The following HNRNPH1 variants were observed in gnomAD, a reference collection of about 807,000 sequenced individuals.
HNRNPH1 encodes heterogeneous nuclear ribonucleoprotein H.
A neutral mutation model predicts 58.6 loss-of-function variants in HNRNPH1; 4 were observed. The ratio of observed to expected loss-of-function variants is 0.07; its 90% CI spans 0.03 to 0.16. HNRNPH1 has a LOEUF of 0.16. Among genes scored for constraint, HNRNPH1 ranks in the 10% least tolerant of loss-of-function variants. HNRNPH1 has a pLI of 1.00. For missense variants in HNRNPH1, 271 were observed against 564.2 expected (o/e 0.48, Z 5.26); for synonymous variants, 192 against 189.2 (o/e 1.01, Z -0.12).
At chr5:179,631,354 A>G (rs767544714) in intron 2 of HNRNPH1, among the ~76,000 whole-genome samples, 20 of 152,122 alleles carry the variant, frequency 1.3e-4, no homozygotes, top group Non-Finnish European at 2.5e-4. Flanking sequence ...GCTCATGCCT[A>G]TAATCTCAGT....
chr5:179,622,646 G>C (rs1456066141), intron 1 of HNRNPH1, among the ~76,000 whole-genome samples: 1 of 152,218 alleles, frequency 6.6e-6, no homozygotes, highest in Non-Finnish European at 1.5e-5. Flanking sequence ...AGGAGGCGGA[G>C]GTTGCAGTGA....
intron 8 of HNRNPH1, 167 bp downstream of exon 9, chr5:179,617,347 T>C: frequency 1.2e-6 from 1 of 836,924 alleles, no homozygotes; most frequent in Non-Finnish European, 1.9e-6. Context: ...TCCGTTATAC[T>C]AATTTTTAAA....
upstream of HNRNPH1, among the ~76,000 whole-genome samples, chr5:179,628,356 A>G (rs2127735925): frequency 6.6e-6 from 1 of 151,918 alleles, no homozygotes; most frequent in African/African-American, 2.4e-5. Flanking sequence ...AAAAATTTGT[A>G]TTTATTTATT....
chr5:179,621,747 C>A (rs1440806200), intron 1 of HNRNPH1: 2 of 371,370 alleles, frequency 5.4e-6, no homozygotes, highest in South Asian at 4.3e-5. Context: ...TACTTCGTTG[C>A]GAGCTGTTTT....
At chr5:179,623,923 G>A (rs1774015959) in exon 1 of HNRNPH1, 1 of 152,362 alleles carries the variant, frequency 6.6e-6, no homozygotes, top group South Asian at 2.0e-4. Flanking sequence ...AGTCCTAGCG[G>A]TTTATAATTA....
chr5:179,632,828 T>A (rs1240474010), intron 2 of HNRNPH1, among the ~76,000 whole-genome samples: 3 of 145,904 alleles, frequency 2.1e-5, no homozygotes, highest in African/African-American at 7.6e-5. Flanking sequence ...TAGGTGGGAT[T>A]ACAGCCCCAC....
chr5:179,614,753 G>T, exon 13 of HNRNPH1: 1 of 683,950 alleles, frequency 1.5e-6, no homozygotes, highest in Non-Finnish European at 2.4e-6. Context: ...AGCTTGTATT[G>T]CAGAAACTGT....
chr5:179,621,459 G>A (rs1462731075), intron 1 of HNRNPH1, 62 bp from the exon 3 acceptor site: 13 of 1,419,962 alleles, frequency 9.2e-6, no homozygotes, highest in African/African-American at 2.9e-5. Flanking sequence ...GGGTGACACA[G>A]ATGAAATGTC....
chr5:179,616,073 A>ACAGGC, intron 11 of HNRNPH1, 53 bp downstream of exon 12: 2 of 1,438,102 alleles, frequency 1.4e-6, no homozygotes, highest in Non-Finnish European at 2.0e-6. Context: ...AAGTACAGTA[A>ACAGGC]TGAACAGGCT....
intron 2 of HNRNPH1, among the ~76,000 whole-genome samples, chr5:179,632,980 C>A (rs1282233134): frequency 6.6e-6 from 1 of 150,968 alleles, no homozygotes; most frequent in East Asian, 2.0e-4. Flanking sequence ...GCCTCATTCT[C>A]CCCACTAGCT....
chr5:179,621,201 T>A, intron 2 of HNRNPH1, 41 bp downstream of exon 3: 1 of 1,589,660 alleles, frequency 6.3e-7, no homozygotes, highest in Non-Finnish European at 8.6e-7. Context: ...CTCTATTGTT[T>A]AATGCTTTAT....
At chr5:179,615,477 A>T in intron 12 of HNRNPH1, 69 bp downstream of exon 13, 1 of 864,602 alleles carries the variant, frequency 1.2e-6, no homozygotes, top group Non-Finnish European at 1.9e-6. Context: ...ATTGACTGCT[A>T]TAGAAAGCAT....
chr5:179,614,930 A>G (rs1768778016), exon 13 of HNRNPH1: 1 of 1,549,576 alleles, frequency 6.5e-7, no homozygotes, highest in Non-Finnish European at 8.7e-7. Flanking sequence ...CCACTACTGT[A>G]GTAGCTGCTG....
chr5:179,622,206 T>C (rs998020652), intron 1 of HNRNPH1, among the ~76,000 whole-genome samples: 2 of 145,624 alleles, frequency 1.4e-5, no homozygotes, highest in Non-Finnish European at 3.2e-5. Flanking sequence ...GAAAACACTC[T>C]TCAATTATCA....
At chr5:179,616,551 T>C (rs531558401) in intron 10 of HNRNPH1, 1 of 512,008 alleles carries the variant, frequency 2.0e-6, no homozygotes, top group Non-Finnish European at 3.5e-6. Context: ...CAAAGGCATG[T>C]CAATACACCT....
chr5:179,616,166 G>A (rs767516103), exon 11 of HNRNPH1: 41 of 1,614,114 alleles, frequency 2.5e-5, no homozygotes, highest in South Asian at 4.4e-5. Context: ...AGCCGCCTCC[G>A]TAACCCCCAC....
chr5:179,617,773 G>A (rs900488696), intron 7 of HNRNPH1, 26 bp downstream of exon 8: 34 of 1,611,126 alleles, frequency 2.1e-5, no homozygotes, highest in South Asian at 7.7e-5. Context: ...CTGAAATATT[G>A]ACTTGTGAGT....
intron 2 of HNRNPH1, among the ~76,000 whole-genome samples, chr5:179,633,152 C>CTGCCTGTCCAAA: frequency 6.6e-6 from 1 of 151,554 alleles, no homozygotes; most frequent in Non-Finnish European, 1.5e-5. Flanking sequence ...CCACCATGCC[C>CTGCCTGTCCAAA]AGTTAATTTT....
At chr5:179,619,150 G>T in intron 4 of HNRNPH1, 119 bp downstream of exon 5, 2 of 912,998 alleles carry the variant, frequency 2.2e-6, no homozygotes, top group Non-Finnish European at 3.2e-6. Context: ...GGAAATCATG[G>T]CAAAACATCA....
Sources: allele counts gnomAD v4.1 joint callset (sites outside exome capture counted in the v4.1 genomes callset), GRCh38; gene constraint gnomAD v4.1.1; transcripts MANE v1.5; gene names NCBI Gene and HGNC (gene_info 2026-07-23, HGNC 2026-07-21).